MORN5: variants seen among roughly 807,000 people sequenced by gnomAD.
MORN5 encodes MORN repeat containing 5.
MORN5 carries 21 observed loss-of-function variants against 22.1 expected under a neutral mutation model. That is an observed-to-expected ratio of 0.95 (90% CI 0.67 to 1.37). The LOEUF is 1.37. Among genes scored for constraint, MORN5 ranks in the 40% most tolerant of loss-of-function variants. The pLI is 0.00. For missense variants in MORN5, 211 were observed against 215.1 expected (o/e 0.98, Z 0.12); for synonymous variants, 73 against 74.0 (o/e 0.99, Z 0.07).
At chr9:122,177,910 T>C (rs1332843839) in intron 4 of MORN5, among the ~76,000 whole-genome samples, 1 of 152,164 alleles carries the variant, frequency 6.6e-6, no homozygotes, top group Non-Finnish European at 1.5e-5. Context: ...AGAGGGGAGA[T>C]AGGAAGCCCC....
In MORN5 at chr9:122,199,928, C is replaced by T. The variant is rs772113652; in HGVS notation, c.483C>T (p.Gly161=). The T allele has an allele frequency of 6.8e-6, 11 of 1,613,866 alleles. No homozygotes were observed. The highest frequency in any genetic ancestry group is 1.3e-5 in the African/African-American group (1 of 74,926). Residue 161 remains glycine (G), a synonymous_variant, in exon 5 of 5, where the codon GGC becomes GGT. Transcript: ENST00000373764. The part of the protein sequence containing the change: ...HEWITRTCRK[G] The stretch of plus-strand genomic sequence containing the variant: ...GGATCACCCGTACCTGTCGAAAGGG[C>T]TAGGATGAGATCGTGGGTCACAGGC...
chr9:122,186,086 C>G (rs1829629369), intron 4 of MORN5, among the ~76,000 whole-genome samples: 1 of 152,226 alleles, frequency 6.6e-6, no homozygotes, highest in Non-Finnish European at 1.5e-5. Flanking sequence ...ACTGCCAAAT[C>G]AAATGCCCGC....
chr9:122,175,906 A>G (rs1829443532), intron 4 of MORN5, among the ~76,000 whole-genome samples: 1 of 152,026 alleles, frequency 6.6e-6, no homozygotes, highest in South Asian at 2.1e-4. Context: ...TGAGGTCAGG[A>G]GATCGAGACC....
intron 1 of MORN5, among the ~76,000 whole-genome samples, chr9:122,160,327 TAA>T (rs1274330235): frequency 6.6e-6 from 1 of 152,132 alleles, no homozygotes; most frequent in Non-Finnish European, 1.5e-5. Context: ...GTATTGCCAA[TAA>T]ACAAATAAGT....
intron 4 of MORN5, among the ~76,000 whole-genome samples, chr9:122,195,984 T>TTATTTATTTATTTATA (rs1829880373): frequency 6.6e-6 from 1 of 151,562 alleles, no homozygotes; most frequent in Non-Finnish European, 1.5e-5. Flanking sequence ...ATTTATTTAT[T>TTATTTATTTATTTATA]TATTTAGAGA....
rs1588324828 is a variant in MORN5, at chr9:122,199,982, A to C, written c.*51A>C. On this transcript the variant is annotated 3_prime_UTR_variant, in exon 5 of 5. Coordinates refer to ENST00000373764, the MANE Select transcript of MORN5 (RefSeq NM_198469.4). Reference sequence around the variant, plus strand: ...AGCCGTGAACTCTGTGGCTGCCTCCACCAGAGGTTTCCATCTGCCCTACTA... The same window carrying C: ...AGCCGTGAACTCTGTGGCTGCCTCCCCCAGAGGTTTCCATCTGCCCTACTA... The C allele has an allele frequency of 6.3e-7, 1 of 1,597,280 alleles. No individual in the cohort carries two copies. The highest frequency in any genetic ancestry group is 1.1e-5 in the South Asian group (1 of 90,712).
At chr9:122,199,820 C>T (rs765700031) in intron 4 of MORN5, 65 bp from the exon 5 acceptor site, 31 of 1,533,754 alleles carry the variant, frequency 2.0e-5, no homozygotes, top group African/African-American at 1.4e-4. Flanking sequence ...ACCTGGGGAA[C>T]CCCCCAGGCC....
chr9:122,174,512 C>T lies in MORN5; in HGVS notation c.324C>T (p.Thr108=), dbSNP rs1829416820. 4 of 1,613,878 alleles carry T rather than the reference C, an allele frequency of 2.5e-6. No homozygotes were observed. Among genetic ancestry groups the T allele is most frequent in the Admixed American group, 3.3e-5 (2 of 59,982 alleles). The change falls in exon 4 of 5, where the codon ACC becomes ACT. Residue 108 remains threonine (T), a synonymous_variant. Coordinates refer to ENST00000373764, the MANE Select transcript of MORN5 (RefSeq NM_198469.4). ...TCTTTCAAGGTATGGCTCAACTCAC[C>T]AATATGGACCCACCTAGAAAAATCC... ...GLKPAGMAQL[T]NMDPPRKIPK... is the part of the protein sequence containing the mutation.
chr9:122,161,502 A>G (rs1157132552), intron 1 of MORN5, among the ~76,000 whole-genome samples: 1 of 152,204 alleles, frequency 6.6e-6, no homozygotes, highest in South Asian at 2.1e-4. Flanking sequence ...TTGCAAATAA[A>G]GGAACAGAAG....
chr9:122,161,511 A>C (rs934399371), intron 1 of MORN5, among the ~76,000 whole-genome samples: 3 of 152,166 alleles, frequency 2.0e-5, no homozygotes, highest in Non-Finnish European at 2.9e-5. Flanking sequence ...AAGGAACAGA[A>C]GTTAGGAGAA....
intron 1 of MORN5, chr9:122,164,636 G>A (rs967079792): frequency 8.1e-6 from 8 of 985,524 alleles, no homozygotes; most frequent in Admixed American, 6.1e-5. Flanking sequence ...GAACAGTGAT[G>A]TCCAGTTCAA....
At chr9:122,176,615 C>G (rs755256818) in intron 4 of MORN5, among the ~76,000 whole-genome samples, 46 of 152,304 alleles carry the variant, frequency 3.0e-4, no homozygotes, top group Middle Eastern at 6.8e-3. Context: ...CGCCGTGGCT[C>G]ATGCCTGTAA....
At chr9:122,174,402 C>A in intron 3 of MORN5, 94 bp from the exon 4 acceptor site, 2 of 1,440,260 alleles carry the variant, frequency 1.4e-6, no homozygotes, top group Non-Finnish European at 9.5e-7. Context: ...GCCAGATAGT[C>A]ACATGAGCCA....
chr9:122,177,061 G>T (rs1265099899), intron 4 of MORN5, among the ~76,000 whole-genome samples: 1 of 152,200 alleles, frequency 6.6e-6, no homozygotes, highest in East Asian at 1.9e-4. Flanking sequence ...TCAACAGAGG[G>T]ACCCCCCAGG....
At chr9:122,185,380 G>A (rs1440478788) in intron 4 of MORN5, among the ~76,000 whole-genome samples, 3 of 106,374 alleles carry the variant, frequency 2.8e-5, no homozygotes, top group African/African-American at 3.9e-5. Flanking sequence ...CCACCACCAT[G>A]CCTGGCTAAT....
intron 4 of MORN5, among the ~76,000 whole-genome samples, chr9:122,190,781 C>T (rs1829744806): frequency 6.6e-6 from 1 of 152,276 alleles, no homozygotes; most frequent in Non-Finnish European, 1.5e-5. Context: ...CCACCACTGC[C>T]AGCAAAGTTC....
chr9:122,196,666 C>CA (rs1305445730), intron 4 of MORN5, among the ~76,000 whole-genome samples: 3 of 152,166 alleles, frequency 2.0e-5, no homozygotes, highest in Non-Finnish European at 4.4e-5. Flanking sequence ...TTTCTATTGT[C>CA]AATACCCATT....
intron 2 of MORN5, 120 bp downstream of exon 2, chr9:122,167,035 G>T: frequency 5.6e-6 from 5 of 899,188 alleles, no homozygotes; most frequent in Admixed American, 3.4e-5. Context: ...TCTTCTCTTT[G>T]CTTCTCCCCC....
chr9:122,176,374 T>C (rs180913528), intron 4 of MORN5, among the ~76,000 whole-genome samples: 35 of 152,336 alleles, frequency 2.3e-4, no homozygotes, highest in Middle Eastern at 6.8e-3. Context: ...AATAAGGAGA[T>C]GTTGCCCTAA....
Sources: allele counts gnomAD v4.1 joint callset (sites outside exome capture counted in the v4.1 genomes callset), GRCh38; gene constraint gnomAD v4.1.1; transcripts MANE v1.5; gene names NCBI Gene and HGNC (gene_info 2026-07-23, HGNC 2026-07-21).